ZC3HAV1L: variants seen among roughly 807,000 people sequenced by gnomAD.
ZC3HAV1L encodes ZC3HAV1 like, also known as zinc finger CCCH-type antiviral protein 1-like.
ZC3HAV1L carries 23 observed loss-of-function variants against 28.2 expected under a neutral mutation model. The ratio of observed to expected loss-of-function variants is 0.82; its 90% confidence interval spans 0.59 to 1.16. ZC3HAV1L has a LOEUF of 1.16. Among genes scored for constraint, ZC3HAV1L ranks in the 50% most tolerant of loss-of-function variants. The probability of loss-of-function intolerance (pLI) is 0.00; values close to 1 mark genes in which losing one functional copy is unlikely to be tolerated. For synonymous variants in ZC3HAV1L, 180 were observed against 163.4 expected, an observed-to-expected ratio of 1.10 and a Z score of -0.78; for missense variants, 376 against 387.7, an observed-to-expected ratio of 0.97 and a Z score of 0.25.
intron 2 of ZC3HAV1L, among the ~76,000 whole-genome samples, chr7:139,030,445 A>G (rs1815491033): frequency 6.6e-6 from 1 of 152,082 alleles, no homozygotes; most frequent in Admixed American, 6.6e-5. Flanking sequence ...ACTCCGTCTT[A>G]AAAATAAAAT....
At position 139,026,428 on chromosome 7, in the gene ZC3HAV1L, C is replaced by A. The variant is rs141661116; in HGVS notation, c.*116G>T. 1,646 of 1,507,060 alleles carry A rather than the reference C, an allele frequency of 1.1e-3. 10 individuals are homozygous for A. In the African/African-American group the frequency reaches 0.02, roughly 18 times the overall value. 93.4% of individuals were successfully genotyped at this position (1,507,060 alleles called of 1,614,324 possible). On this transcript the variant is annotated 3_prime_UTR_variant, in exon 5 of 5. Coordinates refer to ENST00000275766, the MANE Select transcript of ZC3HAV1L (RefSeq NM_080660.4). ...ATCTTCAGCACTTGCCCTGGACTAG[C>A]CCCATCTGCACTCAATTTTAGCCTC... is the stretch of plus-strand genomic sequence containing the variant.
Position 139,035,765 on chromosome 7 carries a change from C to A in ZC3HAV1L, c.253G>T (p.Val85Leu). ...CGGGCGCAGAGGCGCACAGAGGACA[C>A]GGCCACCACCCTCCAGGCGGAGGTG... ...GGTSAWRVVAVSSVRLCARYQ... is the reference protein window; with the variant it reads ...GGTSAWRVVALSSVRLCARYQ... Residue 85 changes from valine (V) to leucine (L), a missense_variant, in exon 1 of 5, where the codon GTG becomes TTG. Transcript: ENST00000275766. The A allele has an allele frequency of 6.7e-7, 1 of 1,497,176 alleles. No individual in the cohort carries two copies. Among genetic ancestry groups the A allele is most frequent in the Non-Finnish European group, 8.8e-7 (1 of 1,131,726 alleles). 92.7% of individuals were successfully genotyped at this position (1,497,176 alleles called of 1,614,324 possible). A position where few individuals can be genotyped will look rare whatever the true frequency, so the allele number is the denominator to read the frequency against.
chr7:139,026,428 C>T lies in ZC3HAV1L; in HGVS notation c.*116G>A. 2.0e-6 allele frequency: 3 copies of T among 1,507,068 alleles called. No homozygotes were observed. The highest frequency in any genetic ancestry group is 2.0e-5 in the Admixed American group (1 of 49,004). The allele number at this position is 1,507,068 out of a possible 1,614,324, so 93.4% of individuals were successfully genotyped here. On this transcript the variant is annotated 3_prime_UTR_variant, in exon 5 of 5. Transcript: ENST00000275766. Reference sequence around the variant, plus strand: ...ATCTTCAGCACTTGCCCTGGACTAGCCCCATCTGCACTCAATTTTAGCCTC... The same window carrying T: ...ATCTTCAGCACTTGCCCTGGACTAGTCCCATCTGCACTCAATTTTAGCCTC...
chr7:139,034,128 T>C (rs1170727966), intron 2 of ZC3HAV1L: 4 of 985,304 alleles, frequency 4.1e-6, no homozygotes, highest in Non-Finnish European at 3.6e-6. Context: ...CTATCTTCCT[T>C]TCTAGACGCT....
intron 2 of ZC3HAV1L, among the ~76,000 whole-genome samples, chr7:139,032,569 G>A (rs1317184940): frequency 1.3e-5 from 2 of 150,112 alleles, no homozygotes; most frequent in Non-Finnish European, 3.0e-5. Flanking sequence ...CTTGCAGTGA[G>A]CCGAGACCTC....
Position 139,026,488 on chromosome 7 carries a change from C to A in ZC3HAV1L, c.*56G>T. Reference sequence around the variant, plus strand: ...GTTCAATGTCCCACCCCATCCCCAACCACCCATGCCCAAATGTATTCTTCC... The same window carrying A: ...GTTCAATGTCCCACCCCATCCCCAAACACCCATGCCCAAATGTATTCTTCC... On this transcript the variant is annotated 3_prime_UTR_variant, in exon 5 of 5. Transcript: ENST00000275766. The A allele has an allele frequency of 6.2e-7, 1 of 1,608,306 alleles. No individual in the cohort carries two copies. The highest frequency in any genetic ancestry group is 8.5e-7 in the Non-Finnish European group (1 of 1,178,526).
At chr7:139,032,844 A>G (rs1399046504) in intron 2 of ZC3HAV1L, among the ~76,000 whole-genome samples, 1 of 152,124 alleles carries the variant, frequency 6.6e-6, no homozygotes, top group Non-Finnish European at 1.5e-5. Context: ...TGTACACTGT[A>G]AATATAAAAT....
intron 2 of ZC3HAV1L, among the ~76,000 whole-genome samples, chr7:139,029,618 C>T (rs1815465596): frequency 6.6e-6 from 1 of 152,128 alleles, no homozygotes; most frequent in Admixed American, 6.6e-5. Context: ...ATCTTTGTTC[C>T]ACAGCTCCCC....
chr7:139,028,102 G>A (rs888468067), intron 3 of ZC3HAV1L, among the ~76,000 whole-genome samples: 5 of 152,022 alleles, frequency 3.3e-5, no homozygotes, highest in African/African-American at 9.7e-5. Context: ...TAGGCCGGGC[G>A]TGTGGCTCAT....
At chr7:139,030,539 A>C (rs1202504673) in intron 2 of ZC3HAV1L, among the ~76,000 whole-genome samples, 1 of 151,240 alleles carries the variant, frequency 6.6e-6, no homozygotes, top group East Asian at 2.0e-4. Context: ...CATTTCAAAA[A>C]TAAATAAGGC....
intron 1 of ZC3HAV1L, chr7:139,035,219 C>T: frequency 1.0e-6 from 1 of 985,428 alleles, no homozygotes; most frequent in Non-Finnish European, 1.2e-6. Context: ...GGGCGCAGAC[C>T]CGCTTCTGCA....
chr7:139,034,184 C>T (rs1363503844), intron 2 of ZC3HAV1L: 6 of 985,200 alleles, frequency 6.1e-6, no homozygotes, highest in African/African-American at 5.2e-5. Flanking sequence ...GAACTATCCT[C>T]TGTTTTCTCA....
At chr7:139,032,462 A>G (rs1435822837) in intron 2 of ZC3HAV1L, among the ~76,000 whole-genome samples, 3 of 151,646 alleles carry the variant, frequency 2.0e-5, no homozygotes, top group Non-Finnish European at 4.4e-5. Flanking sequence ...GTGAAACCCC[A>G]TCTCTACTAA....
At chr7:139,029,239 G>C (rs1025893218) in intron 2 of ZC3HAV1L, among the ~76,000 whole-genome samples, 11 of 152,112 alleles carry the variant, frequency 7.2e-5, no homozygotes, top group Non-Finnish European at 1.2e-4. Flanking sequence ...CTCACCTCAG[G>C]TGATCTGCCC....
intron 2 of ZC3HAV1L, 136 bp from the exon 3 acceptor site, chr7:139,029,096 G>A (rs762281633): frequency 4.1e-5 from 42 of 1,027,972 alleles, no homozygotes; most frequent in African/African-American, 1.9e-4. Flanking sequence ...TCCATCTCCC[G>A]CGTTCAAGCA....
downstream of ZC3HAV1L, among the ~76,000 whole-genome samples, chr7:139,023,695 T>G (rs1286086460): frequency 6.6e-6 from 1 of 152,174 alleles, no homozygotes; most frequent in African/African-American, 2.4e-5. Context: ...AAACGCTTAT[T>G]CTATTAAAGA....
intron 1 of ZC3HAV1L, chr7:139,035,220 C>G: frequency 1.0e-6 from 1 of 985,448 alleles, no homozygotes; most frequent in Non-Finnish European, 1.2e-6. Context: ...GGCGCAGACC[C>G]GCTTCTGCAC....
downstream of ZC3HAV1L, chr7:139,022,470 T>C: frequency 5.2e-6 from 2 of 382,750 alleles, no homozygotes; most frequent in Non-Finnish European, 1.1e-5. Context: ...GGCTTGAGCC[T>C]GAGAAATCAA....
chr7:139,026,678 C>G, intron 4 of ZC3HAV1L, 30 bp downstream of exon 4: 2 of 1,613,032 alleles, frequency 1.2e-6, no homozygotes, highest in Non-Finnish European at 1.7e-6. Context: ...CAAGCTTCTT[C>G]TTAGTTCACT....
Sources: allele counts gnomAD v4.1 joint callset (sites outside exome capture counted in the v4.1 genomes callset), GRCh38; gene constraint gnomAD v4.1.1; transcripts MANE v1.5; gene names NCBI Gene and HGNC (gene_info 2026-07-23, HGNC 2026-07-21).